The following OSBPL8 variants were observed in gnomAD, a reference collection of about 807,000 sequenced individuals.
OSBPL8 encodes the protein oxysterol-binding protein-related protein 8.
Under a neutral mutation model 125.5 loss-of-function variants are expected in OSBPL8, and 59 were observed. The observed-to-expected ratio is 0.47, with a 90% confidence interval of 0.38 to 0.58. The LOEUF (loss-of-function observed/expected upper bound fraction) is 0.58. Among genes scored for constraint, OSBPL8 ranks in the 20% least tolerant of loss-of-function variants. OSBPL8 has a pLI of 0.00. For synonymous variants in OSBPL8, 330 were observed against 338.9 expected, an observed-to-expected ratio of 0.97 and a Z score of 0.29; for missense variants, 758 against 1,047.8, an observed-to-expected ratio of 0.72 and a Z score of 3.82.
chr12:76,402,331 A>G, intron 6 of OSBPL8, among the ~76,000 whole-genome samples: 1 of 152,208 alleles, frequency 6.6e-6, no homozygotes. Context: ...GCCATGACCC[A>G]GGAGTTAGCA....
At chr12:76,387,268 T>G (rs189631173) in intron 12 of OSBPL8, among the ~76,000 whole-genome samples, 2 of 152,322 alleles carry the variant, frequency 1.3e-5, no homozygotes, top group African/African-American at 4.8e-5. Context: ...TATAGGATTT[T>G]ATGGGTATGC....
intron 15 of OSBPL8, among the ~76,000 whole-genome samples, chr12:76,378,864 G>C (rs1226775011): frequency 6.6e-6 from 1 of 152,026 alleles, no homozygotes; most frequent in Admixed American, 6.6e-5. Flanking sequence ...TCCACCTCCA[G>C]GGTTCAGCAA....
chr12:76,393,545 C>T (rs956391517), intron 9 of OSBPL8, among the ~76,000 whole-genome samples: 2 of 147,648 alleles, frequency 1.4e-5, no homozygotes, highest in Non-Finnish European at 3.0e-5. Context: ...CCTGTCTCTA[C>T]TGAAAATACA....
rs550967212 is a variant in OSBPL8, at chr12:76,363,714, G to C, written c.2329-4903C>G. 3.9e-5 allele frequency among the ~76,000 whole-genome samples: 6 copies of C among 152,282 alleles called. No homozygotes were observed. In the East Asian group the frequency reaches 5.8e-4, roughly 15 times the overall value. The stretch of plus-strand genomic sequence containing the variant: ...CAGCAAAAGAGTCTGTCATCAGAGT[G>C]AACAGGCAACCTACAGAATGGGAGA... On this transcript the variant is annotated intron_variant, in intron 21 of 23. Coordinates refer to ENST00000261183, the MANE Select transcript of OSBPL8 (RefSeq NM_020841.5).
At chr12:76,450,327 C>T (rs925179615) in intron 4 of OSBPL8, among the ~76,000 whole-genome samples, 10 of 151,998 alleles carry the variant, frequency 6.6e-5, no homozygotes, top group African/African-American at 1.9e-4. Flanking sequence ...GAAAATAGTT[C>T]GAAGGTTGAG....
intron 4 of OSBPL8, among the ~76,000 whole-genome samples, chr12:76,429,715 A>T (rs1204765128): frequency 6.6e-6 from 1 of 152,110 alleles, no homozygotes; most frequent in Non-Finnish European, 1.5e-5. Context: ...GTATAAGGTA[A>T]TCTGGATGAG....
At chr12:76,525,148 T>C (rs575220072) in intron 1 of OSBPL8, among the ~76,000 whole-genome samples, 10 of 152,320 alleles carry the variant, frequency 6.6e-5, no homozygotes, top group East Asian at 3.8e-4. Flanking sequence ...CTGAGGTGTA[T>C]AGACCTTGTT....
At chr12:76,525,473 T>C (rs950563738) in intron 1 of OSBPL8, among the ~76,000 whole-genome samples, 20 of 152,206 alleles carry the variant, frequency 1.3e-4, no homozygotes, top group Non-Finnish European at 5.9e-5. Flanking sequence ...TGACACAGAA[T>C]ATAAGTAATT....
intron 4 of OSBPL8, among the ~76,000 whole-genome samples, chr12:76,415,971 C>G (rs1444975133): frequency 6.6e-6 from 1 of 151,926 alleles, no homozygotes; most frequent in East Asian, 1.9e-4. Context: ...AGATTTTGCT[C>G]TTATTTTTTG....
At chr12:76,440,039 C>T (rs1266300313) in intron 4 of OSBPL8, among the ~76,000 whole-genome samples, 4 of 152,072 alleles carry the variant, frequency 2.6e-5, no homozygotes, top group African/African-American at 9.7e-5. Flanking sequence ...TACTTCTGAG[C>T]CTTTCTTCTT....
At chr12:76,389,061 T>C (rs1953446085) in intron 12 of OSBPL8, among the ~76,000 whole-genome samples, 1 of 152,156 alleles carries the variant, frequency 6.6e-6, no homozygotes, top group African/African-American at 2.4e-5. Context: ...GTTTACTGGT[T>C]TTCCAAGAAA....
intron 4 of OSBPL8, among the ~76,000 whole-genome samples, chr12:76,450,016 G>A (rs919451008): frequency 3.3e-5 from 5 of 151,948 alleles, no homozygotes; most frequent in East Asian, 1.9e-4. Flanking sequence ...TACTTCAATC[G>A]GATCATCACA....
chr12:76,390,130 G>A (rs894497833), intron 11 of OSBPL8: 5 of 412,890 alleles, frequency 1.2e-5, no homozygotes, highest in Middle Eastern at 6.3e-4. Context: ...ATAAACTCAC[G>A]TTTCCTTGCA....
Position 76,499,779 on chromosome 12 carries a change from G to A in OSBPL8, c.-67-12161C>T, listed in dbSNP as rs553938431. On this transcript the variant is annotated intron_variant, in intron 1 of 23. Transcript: ENST00000261183. ...TGAAGTAGGAGAATCACTTGGACCC[G>A]GGAGCGGAGGTTGCAGCAGGCAGAA... Among the ~76,000 whole-genome samples the A allele has an allele frequency of 5.7e-4, 86 of 152,100 alleles. 1 individual carries two copies. The highest frequency in any genetic ancestry group is 1.7e-3 in the African/African-American group (69 of 41,498).
chr12:76,513,781 T>C (rs1881253893), intron 1 of OSBPL8, among the ~76,000 whole-genome samples: 1 of 150,706 alleles, frequency 6.6e-6, no homozygotes, highest in Non-Finnish European at 1.5e-5. Context: ...TCTGTTTGTT[T>C]GGTAGATTCT....
At chr12:76,543,049 T>C (rs1950689997) in intron 1 of OSBPL8, among the ~76,000 whole-genome samples, 1 of 152,202 alleles carries the variant, frequency 6.6e-6, no homozygotes, top group Non-Finnish European at 1.5e-5. Context: ...CTATATTTCT[T>C]CCTCTCAGCA....
chr12:76,443,616 C>A (rs879871400), intron 4 of OSBPL8, among the ~76,000 whole-genome samples: 10 of 152,268 alleles, frequency 6.6e-5, no homozygotes, highest in Admixed American at 6.5e-4. Flanking sequence ...TCAAGTGATT[C>A]TCCTGCCTCA....
At chr12:76,501,764 T>C (rs903373937) in intron 1 of OSBPL8, among the ~76,000 whole-genome samples, 1 of 152,238 alleles carries the variant, frequency 6.6e-6, no homozygotes, top group Admixed American at 6.5e-5. Context: ...AAGTCCTCAA[T>C]ACAGCATCAC....
chr12:76,452,972 T>C (rs1873592801), intron 3 of OSBPL8, among the ~76,000 whole-genome samples: 1 of 152,040 alleles, frequency 6.6e-6, no homozygotes, highest in African/African-American at 2.4e-5. Context: ...TTTGATACGT[T>C]CTTAATTTCA....
Sources: gnomAD v4.1 joint callset for allele counts (sites outside exome capture counted in the v4.1 genomes callset) on GRCh38, gnomAD v4.1.1 for gene constraint, MANE v1.5 for transcripts, NCBI Gene and HGNC (gene_info 2026-07-23, HGNC 2026-07-21) for gene names.